Variants in ATAD2 observed in about 807,000 individuals in gnomAD.
The protein encoded by ATAD2 is ATPase family AAA domain-containing protein 2.
Under a neutral mutation model 168.9 loss-of-function variants are expected in ATAD2, and 62 were observed. The observed-to-expected ratio is 0.37, with a 90% CI of 0.30 to 0.45. The LOEUF is 0.45. ATAD2 is among the 20% of genes least tolerant of loss of function. The pLI is 1.00. For synonymous variants in ATAD2, 613 were observed against 571.6 expected, an observed-to-expected ratio of 1.07 and a Z score of -1.03; for missense variants, 1,419 against 1,667.8, an observed-to-expected ratio of 0.85 and a Z score of 2.60.
chr8:123,385,422 T>C (rs1829619218), intron 1 of ATAD2, among the ~76,000 whole-genome samples: 1 of 152,162 alleles, frequency 6.6e-6, no homozygotes, highest in Non-Finnish European at 1.5e-5. Flanking sequence ...ACAGGTAAAG[T>C]CTGACATAAT....
chr8:123,321,705 G>A (rs1280016067), intron 27 of ATAD2, among the ~76,000 whole-genome samples: 13 of 151,882 alleles, frequency 8.6e-5, no homozygotes, highest in African/African-American at 1.5e-4. Context: ...AGGCTGAGGC[G>A]GGAGGACCGC....
chr8:123,356,224 C>G (rs1198821251), intron 13 of ATAD2, 165 bp downstream of exon 13: 1 of 417,430 alleles, frequency 2.4e-6, no homozygotes, highest in Non-Finnish European at 4.2e-6. Flanking sequence ...GCCACTGCAA[C>G]CATCCACATT....
intron 2 of ATAD2, among the ~76,000 whole-genome samples, chr8:123,378,194 G>C (rs1829376653): frequency 6.6e-6 from 1 of 152,054 alleles, no homozygotes; most frequent in African/African-American, 2.4e-5. Flanking sequence ...TTTACTGTCA[G>C]TGATTTTCTT....
At chr8:123,378,869 G>A (rs13264076) in intron 2 of ATAD2, among the ~76,000 whole-genome samples, 1 of 150,798 alleles carries the variant, frequency 6.6e-6, no homozygotes, top group East Asian at 2.0e-4. Flanking sequence ...ATAGCTCACT[G>A]CAGCCTTGAC....
At chr8:123,343,684 G>GA (rs1491580928) in intron 19 of ATAD2, among the ~76,000 whole-genome samples, 3 of 152,108 alleles carry the variant, frequency 2.0e-5, no homozygotes, top group African/African-American at 7.2e-5. Flanking sequence ...ACACAAAGGT[G>GA]ACAAAAAATA....
At chr8:123,325,788 C>T in intron 26 of ATAD2, 105 bp downstream of exon 26, 1 of 1,437,306 alleles carries the variant, frequency 7.0e-7, no homozygotes, top group South Asian at 1.4e-5. Flanking sequence ...AAAAGTTTTA[C>T]TTTTTCATGT....
rs1828241383 is a variant in ATAD2, at chr8:123,346,345, T to C, written c.2346-73A>G. 5 of 1,348,458 alleles carry C rather than the reference T, an allele frequency of 3.7e-6. No homozygotes were observed. The African/African-American group carries it at 7.5e-5, about 20-fold the overall frequency. 83.5% of individuals were successfully genotyped at this position (1,348,458 alleles called of 1,614,324 possible). The stretch of plus-strand genomic sequence containing the variant: ...AATTTTCCCCCTAAATTGTCAACTA[T>C]AAACTTTCATAAGTAAAAAGTCTTG... On this transcript the variant is annotated intron_variant, in intron 17 of 27. Transcript: ENST00000287394.
intron 2 of ATAD2, among the ~76,000 whole-genome samples, chr8:123,373,629 A>G (rs374392084): frequency 1.3e-3 from 204 of 152,050 alleles, no homozygotes; most frequent in African/African-American, 4.7e-3. Flanking sequence ...TCTACTACAA[A>G]TACAAAAAAA....
intron 1 of ATAD2, among the ~76,000 whole-genome samples, chr8:123,409,004 T>C (rs1240324005): frequency 6.6e-6 from 1 of 151,872 alleles, no homozygotes; most frequent in Non-Finnish European, 1.5e-5. Flanking sequence ...ATTGTTGTAT[T>C]TTTAGTAGAG....
rs571381199 is a variant in ATAD2, at chr8:123,382,926, CAA to C, written c.172-2251_172-2250del. On this transcript the variant is annotated intron_variant, in intron 1 of 27. Coordinates refer to ENST00000287394, the MANE Select transcript of ATAD2 (RefSeq NM_014109.4). Reference sequence around the variant, plus strand: ...TTCACTGCAGCACTATTTGCAATAACAAAGACTTGGAACCAACCCAAATGCCC... The same window carrying C: ...TTCACTGCAGCACTATTTGCAATAACAGACTTGGAACCAACCCAAATGCCC... Among the ~76,000 whole-genome samples, 333 of 152,268 alleles carry C rather than the reference CAA, an allele frequency of 2.2e-3. 2 individuals are homozygous for C. The highest frequency in any genetic ancestry group is 7.4e-3 in the African/African-American group (306 of 41,548).
At chr8:123,328,950 C>T (rs1457715557) in intron 24 of ATAD2, among the ~76,000 whole-genome samples, 3 of 151,754 alleles carry the variant, frequency 2.0e-5, no homozygotes, top group East Asian at 1.9e-4. Flanking sequence ...TACAGGCACC[C>T]GCCACCACGC....
intron 2 of ATAD2, among the ~76,000 whole-genome samples, chr8:123,377,022 C>T (rs546441545): frequency 5.0e-5 from 7 of 140,754 alleles, no homozygotes; most frequent in South Asian, 2.3e-4. Flanking sequence ...AGCCAGGGGG[C>T]GGAGGTTGCA....
chr8:123,402,060 T>C lies in ATAD2; in HGVS notation c.-2281-885A>G. 2 of 1,493,688 alleles carry C rather than the reference T, an allele frequency of 1.3e-6. No homozygotes were observed. The highest frequency in any genetic ancestry group is 1.9e-6 in the Non-Finnish European group (2 of 1,076,530). The allele number at this position is 1,493,688 out of a possible 1,614,324, so 92.5% of individuals were successfully genotyped here. On this transcript the variant is annotated intron_variant, in intron 1 of 28. Transcript: ENST00000521903. This position sits in a 1 kb window ranked among gnomAD's most constrained non-coding sequence, Gnocchi z 4.8. The stretch of plus-strand genomic sequence containing the variant: ...GAGAAGCGTACCATGTCGGCCCAGA[T>C]TGAGGGTGGCGTCCATGGCCTGCAC...
chr8:123,396,770 G>A (rs1812866304), upstream of ATAD2, among the ~76,000 whole-genome samples: 1 of 152,108 alleles, frequency 6.6e-6, no homozygotes, highest in South Asian at 2.1e-4. Flanking sequence ...AGGCCTCTGC[G>A]CGCTCTGATT....
intron 24 of ATAD2, among the ~76,000 whole-genome samples, chr8:123,333,231 CAAAAAAAAAAAA>C (rs71310667): frequency 1.4e-4 from 6 of 43,992 alleles, no homozygotes; most frequent in Admixed American, 4.3e-4. Context: ...TCTAAAAATA[CAAAAAAAAAAAA>C]AAAAAAAAAA....
At chr8:123,383,367 TAAAAAA>T (rs60996107) in intron 1 of ATAD2, among the ~76,000 whole-genome samples, 4 of 145,036 alleles carry the variant, frequency 2.8e-5, no homozygotes, top group South Asian at 4.4e-4. Context: ...CAAAATTAAA[TAAAAAA>T]AAAAAGTTCT....
intron 7 of ATAD2, chr8:123,369,492 A>G (rs187989489): frequency 5.2e-5 from 15 of 287,884 alleles, no homozygotes; most frequent in Middle Eastern, 1.1e-3. Flanking sequence ...GCTCACAAGT[A>G]CTGTGGTATA....
chr8:123,405,608 T>A (rs1563872505), intron 1 of ATAD2, among the ~76,000 whole-genome samples: 1 of 152,236 alleles, frequency 6.6e-6, no homozygotes, highest in Non-Finnish European at 1.5e-5. Flanking sequence ...AGTATGAGCA[T>A]GTGTTTGCAT....
At chr8:123,382,823 G>C (rs908432862) in intron 1 of ATAD2, among the ~76,000 whole-genome samples, 3 of 152,144 alleles carry the variant, frequency 2.0e-5, no homozygotes, top group African/African-American at 7.2e-5. Context: ...AATACCATTT[G>C]ACCCAGCAAT....
Sources: allele counts gnomAD v4.1 joint callset (sites outside exome capture counted in the v4.1 genomes callset), GRCh38; gene constraint gnomAD v4.1.1; non-coding constraint Gnocchi (gnomAD v3.1); transcripts MANE v1.5; gene names NCBI Gene and HGNC (gene_info 2026-07-23, HGNC 2026-07-21).